PDE6D: variants seen among roughly 807,000 people sequenced by gnomAD.
PDE6D encodes the protein phosphodiesterase 6D, also known as retinal rod rhodopsin-sensitive cGMP 3',5'-cyclic phosphodiesterase subunit delta.
A neutral mutation model predicts 21.9 loss-of-function variants in PDE6D; 10 were observed. The observed-to-expected ratio is 0.46, with a 90% CI of 0.28 to 0.78. PDE6D has a LOEUF of 0.78. Ranked by LOEUF, PDE6D falls within the 30% of genes least tolerant of loss-of-function variation. The pLI, the probability that PDE6D is intolerant of heterozygous loss-of-function variation, is 0.12. For missense variants in PDE6D, 139 were observed against 184.8 expected (o/e 0.75, Z 1.44); for synonymous variants, 59 against 63.5 (o/e 0.93, Z 0.34).
At chr2:231,741,635 G>A (rs2048750828) in intron 1 of PDE6D, among the ~76,000 whole-genome samples, 1 of 152,154 alleles carries the variant, frequency 6.6e-6, no homozygotes, top group East Asian at 1.9e-4. Flanking sequence ...GTGTTTATAT[G>A]GAAAGGAGAT....
chr2:231,738,919 CAAAAAAAAAA>C (rs1157734125), intron 2 of PDE6D, among the ~76,000 whole-genome samples, 171 bp downstream of exon 2: 1 of 62,658 alleles, frequency 1.6e-5, no homozygotes, highest in Non-Finnish European at 2.8e-5. Context: ...GACTGTGTCT[CAAAAAAAAAA>C]AAAAAAAAAA....
chr2:231,757,731 AATGTATTGAT>A (rs2048894315), intron 1 of PDE6D, among the ~76,000 whole-genome samples: 1 of 152,236 alleles, frequency 6.6e-6, no homozygotes, highest in African/African-American at 2.4e-5. Flanking sequence ...AAATGTTCAT[AATGTATTGAT>A]ATGTGAACAG....
intron 1 of PDE6D, among the ~76,000 whole-genome samples, chr2:231,769,157 C>T (rs2048995881): frequency 2.6e-5 from 4 of 152,210 alleles, no homozygotes; most frequent in African/African-American, 9.6e-5. Flanking sequence ...GCGTGAGCCA[C>T]CATGCCTGGC....
At chr2:231,757,259 C>G (rs2048889944) in intron 1 of PDE6D, among the ~76,000 whole-genome samples, 1 of 151,808 alleles carries the variant, frequency 6.6e-6, no homozygotes, top group Admixed American at 6.6e-5. Context: ...TCCTGTGGAC[C>G]AGGACAATTT....
intron 1 of PDE6D, among the ~76,000 whole-genome samples, chr2:231,761,668 T>C (rs1401145738): frequency 1.3e-5 from 2 of 152,228 alleles, no homozygotes; most frequent in Non-Finnish European, 2.9e-5. Context: ...AGTTTAAAGG[T>C]AGTCCTCAAA....
chr2:231,738,919 C>CAA (rs1157734125), intron 2 of PDE6D, among the ~76,000 whole-genome samples, 181 bp downstream of exon 2: 180 of 62,250 alleles, frequency 2.9e-3, no homozygotes, highest in Middle Eastern at 0.019. Context: ...GACTGTGTCT[C>CAA]AAAAAAAAAA....
intron 1 of PDE6D, among the ~76,000 whole-genome samples, chr2:231,776,321 CAAAAA>C (rs1008155828): frequency 5.6e-5 from 3 of 54,054 alleles, no homozygotes; most frequent in African/African-American, 8.1e-5. Flanking sequence ...GACTCCGTCT[CAAAAA>C]AAAAAAAAAA....
chr2:231,732,631 A>T lies in PDE6D; in HGVS notation c.*321T>A, dbSNP rs2048660884. On this transcript the variant is annotated 3_prime_UTR_variant, in exon 5 of 5. Coordinates refer to ENST00000287600, the MANE Select transcript of PDE6D (RefSeq NM_002601.4). Reference sequence around the variant, plus strand: ...GTAGCCTGTAGGGCCCAAGGAGGAGACAAGGAGGGTGACAGGTACAGTTAC... The same window carrying T: ...GTAGCCTGTAGGGCCCAAGGAGGAGTCAAGGAGGGTGACAGGTACAGTTAC... 1 of 201,354 alleles carries T rather than the reference A, an allele frequency of 5.0e-6. No individual in the cohort carries two copies. The highest frequency in any genetic ancestry group is 5.8e-5 in the Admixed American group (1 of 17,138). 12.5% of individuals were successfully genotyped at this position (201,354 alleles called of 1,614,324 possible). A position where few individuals can be genotyped will look rare whatever the true frequency, so the allele number is the denominator to read the frequency against.
At chr2:231,747,152 G>A (rs1574621994) in intron 1 of PDE6D, among the ~76,000 whole-genome samples, 1 of 152,148 alleles carries the variant, frequency 6.6e-6, no homozygotes, top group African/African-American at 2.4e-5. Context: ...GTGCAGTGGT[G>A]CGATCTCGGC....
At chr2:231,758,412 C>T (rs776427144) in intron 1 of PDE6D, among the ~76,000 whole-genome samples, 5 of 152,130 alleles carry the variant, frequency 3.3e-5, no homozygotes, top group Non-Finnish European at 5.9e-5. Context: ...GCTGGGATTA[C>T]AGGCATAAGC....
intron 1 of PDE6D, among the ~76,000 whole-genome samples, chr2:231,769,050 G>A (rs1451151511): frequency 1.3e-5 from 2 of 152,028 alleles, no homozygotes; most frequent in African/African-American, 2.4e-5. Context: ...GGTATTTTTA[G>A]TGGTGACGGG....
chr2:231,759,694 C>T, intron 1 of PDE6D, among the ~76,000 whole-genome samples: 1 of 152,108 alleles, frequency 6.6e-6, no homozygotes, highest in Non-Finnish European at 1.5e-5. Flanking sequence ...CCATCAACTC[C>T]CTCTTGGGGA....
chr2:231,780,623 T>C (rs2049105757), intron 1 of PDE6D, among the ~76,000 whole-genome samples: 1 of 152,136 alleles, frequency 6.6e-6, no homozygotes, highest in African/African-American at 2.4e-5. Context: ...CAAGTCACTG[T>C]TCCCCGCTCC....
chr2:231,766,674 ACTC>A (rs1324100622), intron 1 of PDE6D, among the ~76,000 whole-genome samples: 1 of 152,074 alleles, frequency 6.6e-6, no homozygotes, highest in African/African-American at 2.4e-5. Context: ...AAGAAACTCA[ACTC>A]CTTCAAATTA....
At chr2:231,751,683 G>A (rs1335126620) in intron 1 of PDE6D, among the ~76,000 whole-genome samples, 1 of 152,138 alleles carries the variant, frequency 6.6e-6, no homozygotes, top group Non-Finnish European at 1.5e-5. Flanking sequence ...GGTATTTAAT[G>A]TTTTTCTTAT....
chr2:231,775,264 T>C (rs1331279273), intron 1 of PDE6D, among the ~76,000 whole-genome samples: 1 of 151,972 alleles, frequency 6.6e-6, no homozygotes, highest in Non-Finnish European at 1.5e-5. Context: ...TATACATATA[T>C]ATTATCAATC....
chr2:231,766,993 CAAAAAAAA>C (rs3038045), intron 1 of PDE6D, among the ~76,000 whole-genome samples: 18 of 36,684 alleles, frequency 4.9e-4, no homozygotes, highest in African/African-American at 1.7e-3. Context: ...GACTCCGTCT[CAAAAAAAA>C]AAAAAAAAAA....
In PDE6D at chr2:231,733,031, C is replaced by T. The variant is rs1350162764; in HGVS notation, c.374G>A (p.Gly125Glu). ...SQMMPASVLT[G>E]NVIIETKFFD... Reference sequence around the variant, plus strand: ...AAACTTTGTTTCTATGATAACGTTCCCACTGTAAGTAAGAAGAGAAACAGA... The same window carrying T: ...AAACTTTGTTTCTATGATAACGTTCTCACTGTAAGTAAGAAGAGAAACAGA... Residue 125 changes from glycine (G) to glutamate (E), a missense_variant and splice_region_variant, in exon 5 of 5, where the codon GGG (glycine) becomes GAG (glutamate). Transcript: ENST00000287600. 3 of 1,596,346 alleles carry T rather than the reference C, an allele frequency of 1.9e-6. No individual in the cohort carries two copies. The highest frequency in any genetic ancestry group is 2.2e-5 in the East Asian group (1 of 44,766).
intron 1 of PDE6D, chr2:231,779,125 G>C (rs568135706): frequency 1.3e-5 from 2 of 152,202 alleles, no homozygotes; most frequent in Non-Finnish European, 2.9e-5. Context: ...GCTACCAGAG[G>C]ATGAGCACGC....
Sources: gnomAD v4.1 joint callset for allele counts (sites outside exome capture counted in the v4.1 genomes callset) on GRCh38, gnomAD v4.1.1 for gene constraint, MANE v1.5 for transcripts, NCBI Gene and HGNC (gene_info 2026-07-23, HGNC 2026-07-21) for gene names.